TMEM223: variants seen among roughly 807,000 people sequenced by gnomAD.
TMEM223 encodes the protein transmembrane protein 223.
Under a neutral mutation model 14.1 loss-of-function variants are expected in TMEM223, and 14 were observed. The observed-to-expected ratio is 0.99, with a 90% CI of 0.66 to 1.55. The LOEUF is 1.55. Among genes scored for constraint, TMEM223 ranks in the 40% most tolerant of loss-of-function variants. The pLI is 0.00. For synonymous variants in TMEM223, 145 were observed against 120.5 expected (o/e 1.20, Z -1.33); for missense variants, 346 against 269.9 (o/e 1.28, Z -1.97).
chr11:62,790,963 A>G (rs1019711410), intron 1 of TMEM223, 48 bp from the exon 2 acceptor site: 1 of 1,476,028 alleles, frequency 6.8e-7, no homozygotes, highest in African/African-American at 1.4e-5. Flanking sequence ...CTGGGCATCT[A>G]AGTACCGACC....
chr11:62,788,961 C>G (rs1565193254), downstream of TMEM223: 4 of 1,527,014 alleles, frequency 2.6e-6, no homozygotes, highest in East Asian at 6.8e-5. Context: ...TAACACCCTA[C>G]CAAGAGACTG....
Position 62,792,005 on chromosome 11 carries a change from C to G in TMEM223, c.-11G>C. On this transcript the variant is annotated 5_prime_UTR_variant, in exon 1 of 2. Transcript: ENST00000307366. Reference sequence around the variant, plus strand: ...CCAAGGCGCCGCCATGGCCAGCCGACTTCCGGGGTGGGGCTTCCTGCCGCA... The same window carrying G: ...CCAAGGCGCCGCCATGGCCAGCCGAGTTCCGGGGTGGGGCTTCCTGCCGCA... The G allele has an allele frequency of 6.6e-7, 1 of 1,512,802 alleles. No homozygotes were observed. Among genetic ancestry groups the G allele is most frequent in the Non-Finnish European group, 8.9e-7 (1 of 1,125,878 alleles). The allele number at this position is 1,512,802 out of a possible 1,614,324, so 93.7% of individuals were successfully genotyped here. A position where few individuals can be genotyped will look rare whatever the true frequency, so the allele number is the denominator to read the frequency against.
At chr11:62,786,952 G>A (rs1264930979), downstream of TMEM223, 20 of 1,451,336 alleles carry the variant, frequency 1.4e-5, no homozygotes, top group Non-Finnish European at 1.5e-5. Context: ...CGGCGGAGGC[G>A]GCCCCGCGTC....
chr11:62,772,523 C>CA (rs556866279), intron 2 of TMEM223, among the ~76,000 whole-genome samples: 1,719 of 73,884 alleles, frequency 0.023, 14 homozygotes, highest in Middle Eastern at 0.045. Flanking sequence ...ACTGTGTCTC[C>CA]AAAAAAAAAA....
chr11:62,781,448 C>G (rs186769490), intron 1 of TMEM223, among the ~76,000 whole-genome samples: 2,337 of 151,948 alleles, frequency 0.015, 51 homozygotes, highest in African/African-American at 0.053. Context: ...CTGAGGTGGG[C>G]AGATCACGAG....
chr11:62,787,597 C>T (rs914242234), downstream of TMEM223: 5 of 1,439,206 alleles, frequency 3.5e-6, no homozygotes, highest in Non-Finnish European at 2.7e-6. Context: ...GCCACTTTCG[C>T]TTTCCGACCG....
At chr11:62,776,261 G>C in intron 1 of TMEM223, 1 of 955,418 alleles carries the variant, frequency 1.0e-6, no homozygotes, top group Non-Finnish European at 1.6e-6. Context: ...CGGAATCTAG[G>C]CTTCTGATCC....
intron 1 of TMEM223, among the ~76,000 whole-genome samples, chr11:62,777,305 C>T (rs567562950): frequency 5.3e-5 from 8 of 152,036 alleles, no homozygotes; most frequent in East Asian, 3.9e-4. Flanking sequence ...CCAGCCTGGG[C>T]GAAAGAGCAA....
downstream of TMEM223, chr11:62,787,623 G>C (rs780586731): frequency 2.7e-5 from 38 of 1,395,630 alleles, no homozygotes; most frequent in Non-Finnish European, 3.5e-5. Flanking sequence ...GCTGCTGCTC[G>C]GAGCCGGTGG....
At chr11:62,791,075 T>G (rs2084355748) in intron 1 of TMEM223, among the ~76,000 whole-genome samples, 160 bp from the exon 2 acceptor site, 1 of 151,544 alleles carries the variant, frequency 6.6e-6, no homozygotes. Context: ...CAGGCTGGAG[T>G]GCAGTACTGA....
chr11:62,775,840 C>T (rs759830563), intron 1 of TMEM223: 3 of 1,613,152 alleles, frequency 1.9e-6, no homozygotes, highest in Admixed American at 1.7e-5. Context: ...CTGTCCGGCT[C>T]ATGGCGGAGA....
At chr11:62,785,713 T>C (rs1268377528), downstream of TMEM223, among the ~76,000 whole-genome samples, 1 of 151,736 alleles carries the variant, frequency 6.6e-6, no homozygotes, top group East Asian at 1.9e-4. Flanking sequence ...TTTTGTATTT[T>C]TAGTAGAGAT....
At chr11:62,774,511 G>A (rs1160131405) in intron 2 of TMEM223, 2 of 449,898 alleles carry the variant, frequency 4.4e-6, no homozygotes, top group Non-Finnish European at 8.9e-6. Context: ...AGGAGTAGTG[G>A]GGGCAATGCC....
rs756853626 is a variant in TMEM223 at position 62,791,890 on chromosome 11, C to T, written c.105G>A (p.Leu35=). 5 of 1,599,406 alleles carry T rather than the reference C, an allele frequency of 3.1e-6. No individual in the cohort carries two copies. Among genetic ancestry groups the T allele is most frequent in the African/African-American group, 1.3e-5 (1 of 74,710 alleles). The part of the protein sequence containing the change: ...LQGTTLQRDV[L]LFEHDRGRFF... Reference sequence around the variant, plus strand: ...AGCGGCCCCGATCATGCTCAAAGAGCAGCACATCCCGTTGCAGCGTCGTGC... The same window carrying T: ...AGCGGCCCCGATCATGCTCAAAGAGTAGCACATCCCGTTGCAGCGTCGTGC... Residue 35 remains leucine (L), a synonymous_variant, in exon 1 of 2, where the codon CTG becomes CTA. Transcript: ENST00000307366.
chr11:62,778,424 C>CT, intron 1 of TMEM223: 1 of 1,480,904 alleles, frequency 6.8e-7, no homozygotes, highest in South Asian at 1.2e-5. Context: ...GAGTCTGCGT[C>CT]TAACATGTGT....
intron 1 of TMEM223, chr11:62,778,830 C>A (rs912411368): frequency 2.6e-6 from 4 of 1,563,392 alleles, no homozygotes; most frequent in Non-Finnish European, 3.5e-6. Flanking sequence ...AGAGGGCCAG[C>A]TCTCCACCTG....
In TMEM223 at chr11:62,790,674, G is replaced by GT; in HGVS notation, c.557_558insA (p.Phe186LeufsTer3). ...TATTGTCAAAGAGTTTTGTGTTAGGGAAGTGTCCAGTTTTGTCCAAGAGGA... is the reference window on the plus strand; with the variant it reads ...TATTGTCAAAGAGTTTTGTGTTAGGGTAAGTGTCCAGTTTTGTCCAAGAGGA... On this transcript the variant is annotated frameshift_variant, in exon 2 of 2. Coordinates refer to ENST00000307366, the MANE Select transcript of TMEM223 (RefSeq NM_001080501.3). LOFTEE classifies it high-confidence loss of function. 1 of 1,612,338 alleles carries GT rather than the reference G, an allele frequency of 6.2e-7. No individual in the cohort carries two copies. Among genetic ancestry groups the GT allele is most frequent in the Non-Finnish European group, 8.5e-7 (1 of 1,179,146 alleles).
At chr11:62,782,966 G>A, downstream of TMEM223, 1 of 1,261,704 alleles carries the variant, frequency 7.9e-7, no homozygotes, top group Non-Finnish European at 1.1e-6. Flanking sequence ...CAGGCTCAGT[G>A]ATACTTGACT....
At chr11:62,786,755 AG>A, downstream of TMEM223, 1 of 1,612,832 alleles carries the variant, frequency 6.2e-7, no homozygotes, top group Non-Finnish European at 8.5e-7. Context: ...ATCTACCGGG[AG>A]CTCTACGCCT....
Sources: allele counts gnomAD v4.1 joint callset (sites outside exome capture counted in the v4.1 genomes callset), GRCh38; gene constraint gnomAD v4.1.1; transcripts MANE v1.5; gene names NCBI Gene and HGNC (gene_info 2026-07-23, HGNC 2026-07-21).